ACSBG2: variants seen among roughly 807,000 people sequenced by gnomAD.
ACSBG2 encodes the protein acyl-CoA synthetase bubblegum family member 2.
A neutral mutation model predicts 74.7 loss-of-function variants in ACSBG2; 62 were observed. The observed-to-expected ratio is 0.83, with a 90% CI of 0.68 to 1.03. ACSBG2 has a LOEUF of 1.03. ACSBG2 is among the 50% of genes least tolerant of loss of function. ACSBG2 has a pLI of 0.00. For missense variants in ACSBG2, 730 were observed against 817.6 expected (o/e 0.89, Z 1.31); for synonymous variants, 309 against 294.1 (o/e 1.05, Z -0.52).
At chr19:6,184,980 T>A (rs11670842) in intron 10 of ACSBG2, among the ~76,000 whole-genome samples, 1 of 151,640 alleles carries the variant, frequency 6.6e-6, no homozygotes, top group African/African-American at 2.4e-5. Flanking sequence ...TGGAGTACAG[T>A]GGCGTGATCA....
chr19:6,173,351 C>T (rs1250161836), intron 7 of ACSBG2, among the ~76,000 whole-genome samples: 1 of 152,148 alleles, frequency 6.6e-6, no homozygotes, highest in Non-Finnish European at 1.5e-5. Context: ...TGCCTGCTGT[C>T]TCAGTTCAGG....
At chr19:6,158,440 G>GTTT (rs57823634) in intron 5 of ACSBG2, among the ~76,000 whole-genome samples, 7 of 135,278 alleles carry the variant, frequency 5.2e-5, no homozygotes, top group African/African-American at 1.4e-4. Context: ...GCTGTCTTAC[G>GTTT]TTTTTTTTTT....
At chr19:6,149,299 A>G (rs1466108548) in intron 3 of ACSBG2, among the ~76,000 whole-genome samples, 4 of 149,890 alleles carry the variant, frequency 2.7e-5, no homozygotes, top group Non-Finnish European at 4.5e-5. Flanking sequence ...CAGCAGGCAA[A>G]TGCCTTCCAA....
At chr19:6,139,422 C>T (rs760531822) in intron 1 of ACSBG2, among the ~76,000 whole-genome samples, 1 of 152,150 alleles carries the variant, frequency 6.6e-6, no homozygotes, top group Non-Finnish European at 1.5e-5. Context: ...GCCTTTTAGC[C>T]ACCTGTTTTC....
chr19:6,182,743 C>T lies in ACSBG2; in HGVS notation c.907-8C>T, dbSNP rs1186225402. The T allele has an allele frequency of 6.2e-7, 1 of 1,613,006 alleles. No homozygotes were observed. The highest frequency in any genetic ancestry group is 8.5e-7 in the Non-Finnish European group (1 of 1,179,388). ...CTGCTGTGGCTAACCTAGCTTCGTT[C>T]CATACAGGGCACCTTGGTAAGTACT... On this transcript the variant is annotated splice_polypyrimidine_tract_variant and splice_region_variant and intron_variant, in intron 8 of 14. Coordinates refer to ENST00000588485, the MANE Select transcript of ACSBG2 (RefSeq NM_030924.5).
intron 6 of ACSBG2, among the ~76,000 whole-genome samples, chr19:6,165,128 G>A (rs536746397): frequency 2.6e-5 from 4 of 152,200 alleles, no homozygotes; most frequent in East Asian, 1.9e-4. Context: ...AGTTCAGGGC[G>A]TGGATTTCAG....
At chr19:6,173,084 T>C (rs2090004640) in intron 7 of ACSBG2, among the ~76,000 whole-genome samples, 1 of 152,080 alleles carries the variant, frequency 6.6e-6, no homozygotes. Flanking sequence ...CTCCAGTGGT[T>C]TGTGCCACAC....
chr19:6,137,187 T>G (rs2088603562), intron 1 of ACSBG2: 1 of 41,672 alleles, frequency 2.4e-5, no homozygotes, highest in African/African-American at 8.1e-5. Context: ...CCCAGCACTT[T>G]GGGAGGCCGA....
intron 6 of ACSBG2, 111 bp from the exon 7 acceptor site, chr19:6,165,755 C>T (rs922792047): frequency 2.2e-6 from 3 of 1,352,910 alleles, no homozygotes; most frequent in African/African-American, 2.9e-5. Flanking sequence ...ATCCTAAGCC[C>T]TTCCACCTGC....
At chr19:6,166,281 TG>T (rs1260632232) in intron 7 of ACSBG2, among the ~76,000 whole-genome samples, 73 of 6,224 alleles carry the variant, frequency 0.012, no homozygotes, top group Middle Eastern at 0.071. Context: ...TCAGGAAGGT[TG>T]TGTGTGTGTG....
rs1451081143 is a variant in ACSBG2, at chr19:6,183,036, C to T, written c.1089-3C>T. On this transcript the variant is annotated splice_region_variant and splice_polypyrimidine_tract_variant and intron_variant, in intron 9 of 14. Coordinates refer to ENST00000588485, the MANE Select transcript of ACSBG2 (RefSeq NM_030924.5). ...CTCCACTTGACGGCATTCTTATTCA[C>T]AGGAAATATAATACTCCCGTGAGCT... 1 of 1,614,050 alleles carries T rather than the reference C, an allele frequency of 6.2e-7. No individual in the cohort carries two copies.
At position 6,165,897 on chromosome 19, in the gene ACSBG2, T is replaced by A; in HGVS notation, c.620T>A (p.Ile207Asn). The A allele has an allele frequency of 6.2e-7, 1 of 1,614,150 alleles. No individual in the cohort carries two copies. The highest frequency in any genetic ancestry group is 8.5e-7 in the Non-Finnish European group (1 of 1,180,010). ...GATTTCATGGAACTTGGCAGAAGTA[T>A]CCCTGACACCCAACTGGAGCAGGTC... ...WDDFMELGRS[I>N]PDTQLEQVIE... Residue 207 changes from isoleucine (I) to asparagine (N), a missense_variant, in exon 7 of 15, where the codon ATC (isoleucine) becomes AAC (asparagine). Transcript: ENST00000588485.
At chr19:6,176,806 T>C (rs918010100) in intron 7 of ACSBG2, among the ~76,000 whole-genome samples, 2 of 152,164 alleles carry the variant, frequency 1.3e-5, no homozygotes, top group Non-Finnish European at 2.9e-5. Flanking sequence ...TTGGTCATAG[T>C]AGGTGCTTTA....
At chr19:6,181,279 A>G (rs1402024978) in intron 8 of ACSBG2, among the ~76,000 whole-genome samples, 7 of 121,528 alleles carry the variant, frequency 5.8e-5, no homozygotes, top group Non-Finnish European at 8.5e-5. Context: ...AGGGAGGGGA[A>G]GGGAGGGGAG....
chr19:6,146,408 C>T (rs544386164), intron 2 of ACSBG2, among the ~76,000 whole-genome samples: 12 of 150,210 alleles, frequency 8.0e-5, no homozygotes, highest in African/African-American at 4.9e-5. Flanking sequence ...AGGTGTAGGT[C>T]GGGGTGAGCC....
chr19:6,139,004 C>T (rs1449019550), intron 1 of ACSBG2, among the ~76,000 whole-genome samples: 8 of 152,064 alleles, frequency 5.3e-5, no homozygotes, highest in Non-Finnish European at 8.8e-5. Flanking sequence ...TTGGGCTGCT[C>T]GCTTTGTCCT....
intron 8 of ACSBG2, among the ~76,000 whole-genome samples, chr19:6,181,353 AAAG>A (rs1382107535): frequency 6.7e-6 from 1 of 149,110 alleles, no homozygotes; most frequent in Non-Finnish European, 1.5e-5. Flanking sequence ...AGGAAGGAAG[AAAG>A]AAAAAGAAAG....
chr19:6,154,654 G>A lies in ACSBG2; in HGVS notation c.387-1777G>A, dbSNP rs556795200. Among the ~76,000 whole-genome samples the A allele has an allele frequency of 7.6e-4, 115 of 151,848 alleles. 1 individual carries two copies. The South Asian group carries it at 0.024, about 31-fold the overall frequency. The stretch of plus-strand genomic sequence containing the variant: ...AGCCTCCCAAGTAGCTGGGACTACA[G>A]GCGTGCGCCACCATGGCTGGCTAAA... On this transcript the variant is annotated intron_variant, in intron 4 of 14. Transcript: ENST00000588485.
intron 1 of ACSBG2, among the ~76,000 whole-genome samples, chr19:6,138,845 G>C (rs1165956676): frequency 1.3e-5 from 2 of 152,034 alleles, no homozygotes; most frequent in Non-Finnish European, 2.9e-5. Flanking sequence ...AAGGAAGCAA[G>C]TCAAAGGTGA....
Sources: gnomAD v4.1 joint callset for allele counts (sites outside exome capture counted in the v4.1 genomes callset) on GRCh38, gnomAD v4.1.1 for gene constraint, MANE v1.5 for transcripts, NCBI Gene and HGNC (gene_info 2026-07-23, HGNC 2026-07-21) for gene names.